Variants in WDPCP observed in about 807,000 individuals in gnomAD.
WDPCP encodes the protein WD repeat-containing and planar cell polarity effector protein fritz homolog.
Under a neutral mutation model 93.1 loss-of-function variants are expected in WDPCP, and 71 were observed. The observed-to-expected ratio is 0.76, with a 90% CI of 0.63 to 0.93. WDPCP has a LOEUF of 0.93. Ranked by LOEUF, WDPCP falls within the 40% of genes least tolerant of loss-of-function variation. The pLI, the probability that WDPCP is intolerant of heterozygous loss-of-function variation, is 0.00. For missense variants in WDPCP, 844 were observed against 887.4 expected (o/e 0.95, Z 0.62); for synonymous variants, 315 against 315.0 (o/e 1.00, Z 0.00).
At chr2:63,830,264 A>AT (rs980898248), upstream of WDPCP, among the ~76,000 whole-genome samples, 5 of 152,030 alleles carry the variant, frequency 3.3e-5, no homozygotes, top group Non-Finnish European at 5.9e-5. Context: ...ATACCTTTTT[A>AT]TTGCACACCT....
At chr2:63,197,466 T>C (rs1294150936) in intron 14 of WDPCP, among the ~76,000 whole-genome samples, 1 of 152,156 alleles carries the variant, frequency 6.6e-6, no homozygotes, top group Non-Finnish European at 1.5e-5. Flanking sequence ...CCCACCTTGT[T>C]CAAGGGTTAG....
At chr2:63,651,050 T>C (rs1710103368) in intron 2 of WDPCP, among the ~76,000 whole-genome samples, 1 of 152,084 alleles carries the variant, frequency 6.6e-6, no homozygotes, top group African/African-American at 2.4e-5. Flanking sequence ...CCATTATCAA[T>C]AAAGACATTT....
intron 2 of WDPCP, among the ~76,000 whole-genome samples, chr2:63,670,501 T>G (rs1362366146): frequency 6.6e-6 from 1 of 152,068 alleles, no homozygotes; most frequent in Non-Finnish European, 1.5e-5. Context: ...TTCTTGCCCT[T>G]GAATGCCAGG....
chr2:63,523,866 G>A (rs763758736), intron 1 of WDPCP, among the ~76,000 whole-genome samples: 3 of 152,068 alleles, frequency 2.0e-5, no homozygotes, highest in Non-Finnish European at 2.9e-5. Context: ...AGCCAAGATC[G>A]CACAATTGCA....
intron 14 of WDPCP, among the ~76,000 whole-genome samples, chr2:63,203,504 T>G (rs1676086300): frequency 6.6e-6 from 1 of 152,002 alleles, no homozygotes; most frequent in Non-Finnish European, 1.5e-5. Flanking sequence ...ACTCTCTATT[T>G]TACAATCCAA....
chr2:63,544,165 T>A (rs1704964228), intron 1 of WDPCP, among the ~76,000 whole-genome samples: 1 of 152,030 alleles, frequency 6.6e-6, no homozygotes. Flanking sequence ...TCCTGACACC[T>A]TTTTTCAAAA....
chr2:63,634,267 T>G (rs1454859921), intron 3 of WDPCP, among the ~76,000 whole-genome samples: 1 of 151,978 alleles, frequency 6.6e-6, no homozygotes, highest in Non-Finnish European at 1.5e-5. Context: ...TATACTTATA[T>G]CAAACAAAAT....
intron 3 of WDPCP, among the ~76,000 whole-genome samples, chr2:63,616,009 T>G (rs1172889843): frequency 6.6e-6 from 1 of 152,206 alleles, no homozygotes; most frequent in Non-Finnish European, 1.5e-5. Flanking sequence ...GCTCTCCTGT[T>G]CATTTATTTT....
intron 2 of WDPCP, among the ~76,000 whole-genome samples, chr2:63,714,431 G>A (rs113068539): frequency 6.6e-6 from 1 of 152,028 alleles, no homozygotes; most frequent in African/African-American, 2.4e-5. Context: ...TATAAGATAA[G>A]TTCATTTCAT....
intron 14 of WDPCP, among the ~76,000 whole-genome samples, chr2:63,206,358 A>C (rs997594282): frequency 2.0e-5 from 3 of 152,170 alleles, no homozygotes; most frequent in Non-Finnish European, 4.4e-5. Context: ...ATTAGTAACC[A>C]ATTTCCCCCT....
chr2:63,682,693 T>A (rs1668732137), intron 2 of WDPCP, among the ~76,000 whole-genome samples: 1 of 151,894 alleles, frequency 6.6e-6, no homozygotes, highest in African/African-American at 2.4e-5. Context: ...AAGAAGCTTA[T>A]AGAACACCAA....
intron 1 of WDPCP, among the ~76,000 whole-genome samples, chr2:63,498,874 G>A (rs1426015839): frequency 6.6e-6 from 1 of 152,216 alleles, no homozygotes; most frequent in Non-Finnish European, 1.5e-5. Context: ...TAACATGGAG[G>A]TATATGAGCA....
At chr2:63,486,827 A>G (rs1343712179) in intron 3 of WDPCP, among the ~76,000 whole-genome samples, 1 of 151,982 alleles carries the variant, frequency 6.6e-6, no homozygotes, top group Non-Finnish European at 1.5e-5. Context: ...AAGGTGGACC[A>G]ATATCCTGAG....
chr2:63,156,865 T>C (rs2103856254), intron 15 of WDPCP, among the ~76,000 whole-genome samples: 1 of 152,338 alleles, frequency 6.6e-6, no homozygotes, highest in Middle Eastern at 3.4e-3. Flanking sequence ...TCATTTCTTC[T>C]TTAGTACAGT....
chr2:63,631,975 A>C (rs531628946), intron 3 of WDPCP, among the ~76,000 whole-genome samples: 1 of 152,326 alleles, frequency 6.6e-6, no homozygotes, highest in South Asian at 2.1e-4. Flanking sequence ...CATTGCTGCC[A>C]CAGACTCCCC....
intron 17 of WDPCP, among the ~76,000 whole-genome samples, chr2:63,141,144 A>T (rs1203387220): frequency 6.6e-6 from 1 of 151,876 alleles, no homozygotes; most frequent in Non-Finnish European, 1.5e-5. Context: ...CAATGGTGCA[A>T]TCTTGGCTCC....
chr2:63,512,489 C>T (rs775560345), intron 1 of WDPCP, among the ~76,000 whole-genome samples: 2 of 152,144 alleles, frequency 1.3e-5, no homozygotes, highest in Non-Finnish European at 2.9e-5. Flanking sequence ...TTGGAACCAA[C>T]ACAAATGCCC....
intron 12 of WDPCP, among the ~76,000 whole-genome samples, chr2:63,354,420 G>A (rs978008242): frequency 2.0e-5 from 3 of 152,152 alleles, no homozygotes; most frequent in Admixed American, 2.0e-4. Context: ...AGGCACCCCA[G>A]GAGTGCCAAG....
intron 1 of WDPCP, among the ~76,000 whole-genome samples, chr2:63,559,987 T>C (rs1706466580): frequency 6.6e-6 from 1 of 151,350 alleles, no homozygotes; most frequent in Admixed American, 6.6e-5. Flanking sequence ...TCACAGCACT[T>C]TGGGAGGCCA....
Sources: gnomAD v4.1 joint callset for allele counts (sites outside exome capture counted in the v4.1 genomes callset) on GRCh38, gnomAD v4.1.1 for gene constraint, MANE v1.5 for transcripts, NCBI Gene and HGNC (gene_info 2026-07-23, HGNC 2026-07-21) for gene names.